The following NMD3 variants were observed in gnomAD, a reference collection of about 807,000 sequenced individuals.
The protein encoded by NMD3 is 60S ribosomal export protein NMD3.
Under a neutral mutation model 73.1 loss-of-function variants are expected in NMD3, and 47 were observed. That is an observed-to-expected ratio of 0.64 (90% confidence interval 0.51 to 0.82). NMD3 has a LOEUF of 0.82. Ranked by LOEUF, NMD3 falls within the 40% of genes least tolerant of loss-of-function variation. The probability of loss-of-function intolerance (pLI) is 0.00; values close to 1 mark genes in which losing one functional copy is unlikely to be tolerated. For missense variants in NMD3, 554 were observed against 612.5 expected, an observed-to-expected ratio of 0.90 and a Z score of 1.01; for synonymous variants, 210 against 194.5, an observed-to-expected ratio of 1.08 and a Z score of -0.66.
intron 5 of NMD3, among the ~76,000 whole-genome samples, chr3:161,234,307 G>T (rs1469587654): frequency 6.6e-6 from 1 of 151,674 alleles, no homozygotes; most frequent in Non-Finnish European, 1.5e-5. Context: ...TGGACGTGGT[G>T]GTGTGTGCTA....
intron 7 of NMD3, among the ~76,000 whole-genome samples, chr3:161,236,739 T>C (rs1736771135): frequency 6.6e-6 from 1 of 152,154 alleles, no homozygotes; most frequent in African/African-American, 2.4e-5. Context: ...TTAATTTTTG[T>C]GCAGAGTGTG....
intron 4 of NMD3, among the ~76,000 whole-genome samples, chr3:161,228,278 C>A (rs1327151739): frequency 6.6e-6 from 1 of 152,024 alleles, no homozygotes; most frequent in Non-Finnish European, 1.5e-5. Context: ...CTTTATTTTC[C>A]TACTAGGTCC....
intron 4 of NMD3, among the ~76,000 whole-genome samples, chr3:161,229,406 G>C (rs1736450752): frequency 6.6e-6 from 1 of 152,188 alleles, no homozygotes; most frequent in Non-Finnish European, 1.5e-5. Flanking sequence ...AACATTTACT[G>C]ATGTAGCTGG....
chr3:161,242,773 C>T (rs1737043217), intron 11 of NMD3, 120 bp downstream of exon 11: 2 of 734,268 alleles, frequency 2.7e-6, no homozygotes, highest in Non-Finnish European at 4.1e-6. Flanking sequence ...CTTAGCACCA[C>T]ATTAGGAAAA....
At chr3:161,250,731 A>G (rs774994288) in intron 15 of NMD3, 49 bp from the exon 16 acceptor site, 1 of 1,127,286 alleles carries the variant, frequency 8.9e-7, no homozygotes, top group South Asian at 1.4e-5. Context: ...AATACTTTGT[A>G]TACATATAAA....
chr3:161,237,810 G>A (rs559238132), intron 7 of NMD3, among the ~76,000 whole-genome samples: 48 of 152,222 alleles, frequency 3.2e-4, no homozygotes, highest in African/African-American at 1.2e-3. Flanking sequence ...TTACAGGCAT[G>A]AGCCACCGCA....
chr3:161,242,326 T>A (rs1253144657), intron 10 of NMD3, among the ~76,000 whole-genome samples, 182 bp from the exon 11 acceptor site: 1 of 152,230 alleles, frequency 6.6e-6, no homozygotes, highest in African/African-American at 2.4e-5. Flanking sequence ...ATTTTTCTTG[T>A]GCTTTGAGAA....
At chr3:161,224,519 T>C (rs1189948666) in intron 2 of NMD3, among the ~76,000 whole-genome samples, 1 of 152,202 alleles carries the variant, frequency 6.6e-6, no homozygotes, top group African/African-American at 2.4e-5. Flanking sequence ...TGAGACATTG[T>C]CTTGGTCTGT....
chr3:161,247,270 C>T lies in NMD3; in HGVS notation c.1143C>T (p.Ala381=). 1.2e-6 allele frequency: 2 copies of T among 1,608,854 alleles called. No individual in the cohort carries two copies. The highest frequency in any genetic ancestry group is 1.3e-5 in the African/African-American group (1 of 74,882). Residue 381 remains alanine, a synonymous_variant, in exon 13 of 16, where the codon GCC becomes GCT. Transcript: ENST00000351193. ...PGDLVLGFDL[A]NCNLNDEHVN... ...GTTTACATTTCAGGTTTGATTTGGCCAACTGTAACTTAAATGATGAGCATG... is the reference window on the plus strand; with the variant it reads ...GTTTACATTTCAGGTTTGATTTGGCTAACTGTAACTTAAATGATGAGCATG...
At chr3:161,235,262 A>G (rs1223159570) in intron 7 of NMD3, 50 bp downstream of exon 7, 1 of 874,388 alleles carries the variant, frequency 1.1e-6, no homozygotes, top group East Asian at 2.5e-5. Flanking sequence ...TTTTATTTCA[A>G]CATACCTAAG....
chr3:161,238,602 A>G, intron 8 of NMD3, 128 bp from the exon 9 acceptor site: 1 of 627,582 alleles, frequency 1.6e-6, no homozygotes, highest in South Asian at 1.9e-5. Context: ...GTTTTACCAG[A>G]GGAGGCATCA....
Position 161,242,533 on chromosome 3 carries a change from C to A in NMD3, c.897C>A (p.Phe299Leu), listed in dbSNP as rs370947525. 5 of 1,613,180 alleles carry A rather than the reference C, an allele frequency of 3.1e-6. No homozygotes were observed. The highest frequency in any genetic ancestry group is 3.4e-6 in the Non-Finnish European group (4 of 1,179,492). Reference protein sequence around the residue: ...LQVADIDGSTFWSHPFNSLCH... With the variant: ...LQVADIDGSTLWSHPFNSLCH... ...TGGCAGATATTGATGGGAGCACTTT[C>A]TGGAGTCACCCTTTCAATAGTTTAT... Residue 299 changes from phenylalanine (F) to leucine (L), a missense_variant, in exon 11 of 16, where the codon TTC becomes TTA. Coordinates refer to ENST00000351193, the MANE Select transcript of NMD3 (RefSeq NM_015938.5).
At chr3:161,228,445 G>GT (rs1442424290) in intron 4 of NMD3, among the ~76,000 whole-genome samples, 4 of 151,298 alleles carry the variant, frequency 2.6e-5, no homozygotes, top group Admixed American at 1.3e-4. Flanking sequence ...CTAATGAATT[G>GT]TTTTTTTCCA....
intron 2 of NMD3, chr3:161,222,832 C>CA (rs1045458048): frequency 6.6e-6 from 1 of 152,068 alleles, no homozygotes; most frequent in Non-Finnish European, 1.5e-5. Context: ...AAGTAAAAAC[C>CA]AAAGGAAAAA....
chr3:161,252,295 C>T lies in NMD3; in HGVS notation c.*1385C>T, dbSNP rs1435532977. 2.0e-5 allele frequency: 3 copies of T among 151,958 alleles called. No homozygotes were observed. Among genetic ancestry groups the T allele is most frequent in the Non-Finnish European group, 4.4e-5 (3 of 68,000 alleles). The allele number at this position is 151,958 out of a possible 1,614,324, so 9.4% of individuals were successfully genotyped here. A position where few individuals can be genotyped will look rare whatever the true frequency, so the allele number is the denominator to read the frequency against. ...AAATAAAGCCATTCTTGCCCTTTTT[C>T]GTGTGTTTGAAATGGTCGCATTGGT... On this transcript the variant is annotated 3_prime_UTR_variant, in exon 16 of 16. Coordinates refer to ENST00000351193, the MANE Select transcript of NMD3 (RefSeq NM_015938.5).
At chr3:161,225,089 T>A in intron 3 of NMD3, 25 bp downstream of exon 3, 1 of 1,596,918 alleles carries the variant, frequency 6.3e-7, no homozygotes, top group Non-Finnish European at 8.5e-7. Context: ...AATTTTGCTC[T>A]TTTTAAAGTT....
downstream of NMD3, chr3:161,253,381 A>G (rs934001003): frequency 6.6e-6 from 1 of 152,172 alleles, no homozygotes; most frequent in African/African-American, 2.4e-5. Flanking sequence ...ATTTTTAATT[A>G]TCCATAATTT....
chr3:161,248,290 G>T (rs1028960384), intron 13 of NMD3, among the ~76,000 whole-genome samples: 2 of 151,244 alleles, frequency 1.3e-5, no homozygotes, highest in Non-Finnish European at 2.9e-5. Flanking sequence ...AGGAGTTCGA[G>T]ACCAGCCTGG....
chr3:161,233,197 A>G (rs892712253), intron 4 of NMD3, among the ~76,000 whole-genome samples: 5 of 151,654 alleles, frequency 3.3e-5, no homozygotes, highest in Non-Finnish European at 7.4e-5. Flanking sequence ...TTGCATTAAT[A>G]TAGTCATTGG....
Sources: allele counts gnomAD v4.1 joint callset (sites outside exome capture counted in the v4.1 genomes callset), GRCh38; gene constraint gnomAD v4.1.1; transcripts MANE v1.5; gene names NCBI Gene and HGNC (gene_info 2026-07-23, HGNC 2026-07-21).